Variants in CHN2 observed in about 807,000 individuals in gnomAD.
CHN2 encodes the protein beta-chimaerin.
In CHN2, 35 loss-of-function variants were observed where a neutral mutation model predicts 56.3. The observed-to-expected ratio is 0.62, with a 90% confidence interval of 0.47 to 0.82. The LOEUF (loss-of-function observed/expected upper bound fraction) is 0.82. Among genes scored for constraint, CHN2 ranks in the 40% least tolerant of loss-of-function variants. The pLI, the probability that CHN2 is intolerant of heterozygous loss-of-function variation, is 0.00. For synonymous variants in CHN2, 210 were observed against 212.8 expected, an observed-to-expected ratio of 0.99 and a Z score of 0.12; for missense variants, 491 against 580.5, an observed-to-expected ratio of 0.85 and a Z score of 1.58.
intron 1 of CHN2, among the ~76,000 whole-genome samples, chr7:29,290,750 C>T (rs1294591325): frequency 1.3e-5 from 2 of 152,140 alleles, no homozygotes; most frequent in Middle Eastern, 3.2e-3. Context: ...CAAATCCATT[C>T]GGGTCTGCAG....
chr7:29,423,767 TACG>T (rs1804575529), intron 6 of CHN2, among the ~76,000 whole-genome samples: 1 of 152,236 alleles, frequency 6.6e-6, no homozygotes, highest in East Asian at 1.9e-4. Flanking sequence ...CCCCTGGGCT[TACG>T]TCTCCTTTCC....
At chr7:29,509,438 CT>C (rs1435832775) in intron 12 of CHN2, 32 bp downstream of exon 12, 4 of 1,546,870 alleles carry the variant, frequency 2.6e-6, no homozygotes, top group Non-Finnish European at 3.6e-6. Context: ...AAAGCCTGCT[CT>C]GCTCCTAGAG....
chr7:29,151,730 C>T (rs950285890), intron 2 of CHN2, among the ~76,000 whole-genome samples: 23 of 152,206 alleles, frequency 1.5e-4, no homozygotes, highest in African/African-American at 4.8e-4. Context: ...CCAGCTCAGC[C>T]ACTCATTAGC....
intron 2 of CHN2, among the ~76,000 whole-genome samples, chr7:29,167,728 G>A (rs1697386233): frequency 6.6e-6 from 1 of 152,204 alleles, no homozygotes; most frequent in African/African-American, 2.4e-5. Flanking sequence ...ACTGGCATCT[G>A]TGAAAGTCAT....
chr7:29,197,678 C>T (rs562251588), intron 1 of CHN2, among the ~76,000 whole-genome samples: 16 of 152,232 alleles, frequency 1.1e-4, no homozygotes, highest in East Asian at 5.8e-4. Context: ...AATAAGCACG[C>T]GAGTGTTTTC....
chr7:29,298,721 G>A (rs1793396424), intron 1 of CHN2, among the ~76,000 whole-genome samples: 1 of 152,208 alleles, frequency 6.6e-6, no homozygotes, highest in African/African-American at 2.4e-5. Context: ...CTGAGCTGCA[G>A]CTGGAGATTG....
At chr7:29,463,793 G>C (rs537561457) in intron 6 of CHN2, among the ~76,000 whole-genome samples, 8 of 152,286 alleles carry the variant, frequency 5.3e-5, no homozygotes, top group African/African-American at 1.9e-4. Context: ...GGGCCCACAA[G>C]AACTAGAGAT....
At chr7:29,504,666 T>C in intron 9 of CHN2, 78 bp from the exon 10 acceptor site, 1 of 924,188 alleles carries the variant, frequency 1.1e-6, no homozygotes, top group Non-Finnish European at 1.7e-6. Flanking sequence ...GCATGTAGTA[T>C]AGACGTGAAA....
At chr7:29,445,837 ATTCAGT>A (rs2128127209) in intron 6 of CHN2, among the ~76,000 whole-genome samples, 1 of 152,212 alleles carries the variant, frequency 6.6e-6, no homozygotes, top group African/African-American at 2.4e-5. Flanking sequence ...GTGAGATCAG[ATTCAGT>A]TTAGTCATCA....
chr7:29,218,808 T>G (rs39063), intron 1 of CHN2, among the ~76,000 whole-genome samples: 1 of 127,424 alleles, frequency 7.8e-6, no homozygotes, highest in East Asian at 3.1e-4. Flanking sequence ...TGTTGTGGGG[T>G]GGGGGGAGAG....
At chr7:29,403,775 C>T (rs755624627) in intron 6 of CHN2, among the ~76,000 whole-genome samples, 100 of 152,162 alleles carry the variant, frequency 6.6e-4, no homozygotes, top group Non-Finnish European at 1.1e-3. Flanking sequence ...GGCCACCATT[C>T]GGTGCATCTA....
At chr7:29,409,323 G>A (rs1278819296) in intron 6 of CHN2, among the ~76,000 whole-genome samples, 1 of 152,090 alleles carries the variant, frequency 6.6e-6, no homozygotes, top group Non-Finnish European at 1.5e-5. Flanking sequence ...GTATTAGAAA[G>A]TAAAATAGAA....
intron 6 of CHN2, among the ~76,000 whole-genome samples, chr7:29,476,448 A>C (rs1293408756): frequency 6.6e-6 from 1 of 151,942 alleles, no homozygotes; most frequent in East Asian, 1.9e-4. Flanking sequence ...GACGCAAGAG[A>C]ATCACTTGAA....
At chr7:29,218,944 A>G (rs1280108775) in intron 1 of CHN2, among the ~76,000 whole-genome samples, 2 of 151,464 alleles carry the variant, frequency 1.3e-5, no homozygotes, top group African/African-American at 4.9e-5. Flanking sequence ...CCTAGAACTT[A>G]AAGTATAATA....
chr7:29,445,281 A>G (rs1050683385), intron 6 of CHN2: 1 of 393,812 alleles, frequency 2.5e-6, no homozygotes. Context: ...AAATACCCCA[A>G]ACAGGCCTAT....
At chr7:29,189,666 ACT>A (rs902398630) in intron 2 of CHN2, among the ~76,000 whole-genome samples, 4 of 146,294 alleles carry the variant, frequency 2.7e-5, no homozygotes, top group South Asian at 2.2e-4. Context: ...AGAAAGAAAA[ACT>A]CTCTCTCTCT....
chr7:29,504,335 TAC>T (rs1790317434), intron 9 of CHN2, among the ~76,000 whole-genome samples: 1 of 152,142 alleles, frequency 6.6e-6, no homozygotes. Context: ...CATAAATATA[TAC>T]ACCTACTGTG....
At chr7:29,411,631 C>T (rs1218901175) in intron 6 of CHN2, among the ~76,000 whole-genome samples, 3 of 152,164 alleles carry the variant, frequency 2.0e-5, no homozygotes, top group African/African-American at 7.2e-5. Context: ...AGACAACAGA[C>T]TTTTACCGTG....
At chr7:29,273,935 G>C (rs76175086) in intron 1 of CHN2, among the ~76,000 whole-genome samples, 2,931 of 152,194 alleles carry the variant, frequency 0.019, 34 homozygotes, top group Middle Eastern at 0.031. Flanking sequence ...CTGTAAAAAG[G>C]CCTCAAGGAC....
Sources: gnomAD v4.1 joint callset for allele counts (sites outside exome capture counted in the v4.1 genomes callset) on GRCh38, gnomAD v4.1.1 for gene constraint, MANE v1.5 for transcripts, NCBI Gene and HGNC (gene_info 2026-07-23, HGNC 2026-07-21) for gene names.